Variants in MRPL13 observed in about 807,000 individuals in gnomAD.
MRPL13 encodes the protein mitochondrial ribosomal protein L13, also known as large ribosomal subunit protein uL13m.
Under a neutral mutation model 29.0 loss-of-function variants are expected in MRPL13, and 33 were observed. The ratio of observed to expected loss-of-function variants is 1.14; its 90% CI spans 0.86 to 1.52. MRPL13 has a LOEUF of 1.52. Ranked by LOEUF, MRPL13 falls within the 40% of genes most tolerant of loss-of-function variation. The probability of loss-of-function intolerance (pLI) is 0.00; values close to 1 mark genes in which losing one functional copy is unlikely to be tolerated. For synonymous variants in MRPL13, 77 were observed against 68.4 expected (o/e 1.13, Z -0.62); for missense variants, 227 against 216.7 (o/e 1.05, Z -0.30).
Position 120,443,323 on chromosome 8 carries a change from A to G in MRPL13, c.28-15T>C, listed in dbSNP as rs1325446861. On this transcript the variant is annotated splice_polypyrimidine_tract_variant and intron_variant, in intron 1 of 6. Transcript: ENST00000306185. ...GTGGCCCATTGCTTGGGGGGGAAAA[A>G]AAAAAAAAAGAAGAGGAAAAAATAA... 3.9e-6 allele frequency: 6 copies of G among 1,544,154 alleles called. No homozygotes were observed. In the African/African-American group the frequency reaches 5.6e-5, roughly 14 times the overall value.
chr8:120,443,189 T>C lies in MRPL13; in HGVS notation c.147A>G (p.Ala49=), dbSNP rs1427357346. The C allele has an allele frequency of 2.5e-6, 4 of 1,571,972 alleles. No individual in the cohort carries two copies. The highest frequency in any genetic ancestry group is 3.4e-6 in the Non-Finnish European group (4 of 1,163,058). The stretch of plus-strand genomic sequence containing the variant: ...CAGGTCTAAAATAATACTTACTCAG[T>C]GCATGGTACACAGGTTTATGTAATC... ...LQGLHKPVYH[A]LSDCGDHVVI... Residue 49 remains alanine (A), a synonymous_variant, in exon 2 of 7, where the codon GCA becomes GCG. Transcript: ENST00000306185.
chr8:120,405,791 T>C (rs920954250), intron 6 of MRPL13, among the ~76,000 whole-genome samples: 11 of 152,240 alleles, frequency 7.2e-5, no homozygotes, highest in African/African-American at 2.4e-4. Context: ...TCTCAGATTA[T>C]GTTGCTTACA....
At chr8:120,435,413 G>A (rs551391846) in intron 2 of MRPL13, among the ~76,000 whole-genome samples, 7 of 151,966 alleles carry the variant, frequency 4.6e-5, no homozygotes, top group African/African-American at 1.7e-4. Context: ...TTCATGCCCA[G>A]GAGTACCCAA....
intron 6 of MRPL13, among the ~76,000 whole-genome samples, chr8:120,408,015 G>C (rs1297385791): frequency 6.6e-6 from 1 of 152,266 alleles, no homozygotes; most frequent in African/African-American, 2.4e-5. Context: ...AGGAAATCTG[G>C]TGACATCACA....
intron 3 of MRPL13, among the ~76,000 whole-genome samples, chr8:120,430,864 T>C (rs1812988824): frequency 1.3e-5 from 2 of 152,182 alleles, no homozygotes; most frequent in South Asian, 4.1e-4. Flanking sequence ...TAATACTACA[T>C]ATTATTGCTA....
intron 2 of MRPL13, among the ~76,000 whole-genome samples, chr8:120,436,754 G>A (rs1247254315): frequency 3.9e-5 from 6 of 152,110 alleles, no homozygotes; most frequent in African/African-American, 1.4e-4. Flanking sequence ...GGACAGTACT[G>A]CTTTTATTTA....
rs371571950 is a variant in MRPL13 at position 120,419,198 on chromosome 8, G to A, written c.393+654C>T. Among the ~76,000 whole-genome samples the A allele has an allele frequency of 4.0e-4, 61 of 151,942 alleles. No individual in the cohort carries two copies. The South Asian group carries it at 0.011, about 26-fold the overall frequency. On this transcript the variant is annotated intron_variant, in intron 5 of 6. Transcript: ENST00000306185. ...AGATTAGAAAACAGAGATAAGTAAC[G>A]AGCCCAAGTCCATGCAGTCAGTAAA...
intron 3 of MRPL13, among the ~76,000 whole-genome samples, chr8:120,428,901 G>A (rs1812964546): frequency 6.6e-6 from 1 of 152,016 alleles, no homozygotes; most frequent in South Asian, 2.1e-4. Context: ...TTACACTGTT[G>A]GTGGGAGTGT....
rs897058345 is a variant in MRPL13 at position 120,414,059 on chromosome 8, T to C, written c.447A>G (p.Arg149=). ...KNLVEELPQP[R]KIPKRLDEYT... ...ACTCATCTAGACGTTTAGGTATTTT[T>C]CGTGGTTGAGGAAGCTCCTCTACTA... The change falls in exon 6 of 7, where the codon CGA becomes CGG. Residue 149 remains arginine (R), a synonymous_variant. Coordinates refer to ENST00000306185, the MANE Select transcript of MRPL13 (RefSeq NM_014078.6). 14 of 1,602,554 alleles carry C rather than the reference T, an allele frequency of 8.7e-6. No individual in the cohort carries two copies. The highest frequency in any genetic ancestry group is 1.2e-5 in the Non-Finnish European group (14 of 1,175,512).
intron 4 of MRPL13, among the ~76,000 whole-genome samples, 162 bp downstream of exon 4, chr8:120,425,144 A>G (rs1218679936): frequency 1.3e-5 from 2 of 152,208 alleles, no homozygotes; most frequent in Non-Finnish European, 2.9e-5. Flanking sequence ...ATAGAGTTGA[A>G]TATTAAAAAT....
intron 4 of MRPL13, among the ~76,000 whole-genome samples, chr8:120,421,484 C>A (rs1812874034): frequency 6.6e-6 from 1 of 151,852 alleles, no homozygotes; most frequent in Non-Finnish European, 1.5e-5. Context: ...CGATAGGCCA[C>A]ACACAGTAAG....
chr8:120,420,617 T>C (rs970740749), intron 4 of MRPL13, among the ~76,000 whole-genome samples: 5 of 151,478 alleles, frequency 3.3e-5, no homozygotes, highest in Non-Finnish European at 7.4e-5. Context: ...TGTTTGACAG[T>C]GCAGACACAG....
chr8:120,410,316 A>G (rs1469220304), intron 6 of MRPL13, among the ~76,000 whole-genome samples: 1 of 152,342 alleles, frequency 6.6e-6, no homozygotes, highest in African/African-American at 2.4e-5. Flanking sequence ...CAGTTACTAC[A>G]TTCCAAAGGA....
chr8:120,410,821 A>C (rs907892465), intron 6 of MRPL13, among the ~76,000 whole-genome samples: 3 of 150,462 alleles, frequency 2.0e-5, no homozygotes, highest in African/African-American at 7.4e-5. Flanking sequence ...TGCTCTTGTC[A>C]CGCAGGCTGG....
At chr8:120,434,760 T>G (rs770732720) in intron 2 of MRPL13, among the ~76,000 whole-genome samples, 27 of 152,230 alleles carry the variant, frequency 1.8e-4, no homozygotes, top group Middle Eastern at 6.8e-3. Flanking sequence ...GGATAACTTT[T>G]TGTAGCCTTA....
intron 3 of MRPL13, among the ~76,000 whole-genome samples, chr8:120,426,288 A>AT (rs1183293399): frequency 3.3e-5 from 5 of 152,068 alleles, no homozygotes; most frequent in Admixed American, 6.5e-5. Flanking sequence ...CCTAAAGGTG[A>AT]TTTTTTCCAT....
At chr8:120,414,144 C>T (rs1812774956) in intron 5 of MRPL13, 32 bp from the exon 6 acceptor site, 3 of 1,402,398 alleles carry the variant, frequency 2.1e-6, no homozygotes, top group Non-Finnish European at 2.8e-6. Flanking sequence ...ACTTAATTTT[C>T]TTAAAATATC....
chr8:120,426,107 T>C (rs1812929504), intron 3 of MRPL13, among the ~76,000 whole-genome samples: 1 of 152,112 alleles, frequency 6.6e-6, no homozygotes, highest in Non-Finnish European at 1.5e-5. Context: ...AAAAGATTTC[T>C]GGGTCAAATG....
At chr8:120,396,200 C>G (rs180721893) in intron 6 of MRPL13, 75 bp from the exon 7 acceptor site, 15,617 of 1,149,218 alleles carry the variant, frequency 0.014, 138 homozygotes, top group Middle Eastern at 0.023. Flanking sequence ...ATTATTTTTC[C>G]AATTTAAAAT....
Sources: gnomAD v4.1 joint callset for allele counts (sites outside exome capture counted in the v4.1 genomes callset) on GRCh38, gnomAD v4.1.1 for gene constraint, MANE v1.5 for transcripts, NCBI Gene and HGNC (gene_info 2026-07-23, HGNC 2026-07-21) for gene names.